Variants in AGBL1 observed in about 807,000 individuals in gnomAD.
AGBL1 encodes the protein AGBL carboxypeptidase 1.
In AGBL1, 130 loss-of-function variants were observed where a neutral mutation model predicts 118.9. That is an observed-to-expected ratio of 1.09 (90% CI 0.95 to 1.26). AGBL1 has a LOEUF of 1.26. AGBL1 is among the 50% of genes most tolerant of loss of function. The probability of loss-of-function intolerance (pLI) is 0.00; values close to 1 mark genes in which losing one functional copy is unlikely to be tolerated. For synonymous variants in AGBL1, 555 were observed against 478.9 expected (o/e 1.16, Z -2.08); for missense variants, 1,584 against 1,298.1 (o/e 1.22, Z -3.38).
chr15:86,745,004 A>G (rs1003772871), intron 22 of AGBL1, among the ~76,000 whole-genome samples: 36 of 152,070 alleles, frequency 2.4e-4, no homozygotes, highest in African/African-American at 8.2e-4. Flanking sequence ...GGCCAGGAAG[A>G]GTTTGGGACC....
intron 22 of AGBL1, among the ~76,000 whole-genome samples, chr15:86,802,023 C>G (rs1406848971): frequency 6.6e-6 from 1 of 152,030 alleles, no homozygotes; most frequent in East Asian, 1.9e-4. Context: ...CTAAACAGCT[C>G]CCTAGATGGT....
chr15:87,012,772 A>G (rs1359477189), intron 24 of AGBL1, among the ~76,000 whole-genome samples: 1 of 152,042 alleles, frequency 6.6e-6, no homozygotes, highest in Non-Finnish European at 1.5e-5. Context: ...CTAAATAAAA[A>G]GTGAAACCTG....
At chr15:86,441,732 T>G (rs2142055180) in intron 18 of AGBL1, among the ~76,000 whole-genome samples, 1 of 152,266 alleles carries the variant, frequency 6.6e-6, no homozygotes, top group South Asian at 2.1e-4. Flanking sequence ...AACCAAAGGG[T>G]CCATTACCAG....
At chr15:86,743,044 G>A (rs2077702306) in intron 22 of AGBL1, among the ~76,000 whole-genome samples, 1 of 152,060 alleles carries the variant, frequency 6.6e-6, no homozygotes, top group South Asian at 2.1e-4. Context: ...CTCAATAATT[G>A]TAAGCTGGAT....
At chr15:86,131,897 T>G (rs2076824561) in intron 1 of AGBL1, among the ~76,000 whole-genome samples, 1 of 151,096 alleles carries the variant, frequency 6.6e-6, no homozygotes, top group Non-Finnish European at 1.5e-5. Context: ...AGTTGAGGCT[T>G]CGGTGAGTTG....
chr15:86,583,087 G>A (rs1169153983), intron 21 of AGBL1, among the ~76,000 whole-genome samples: 2 of 151,634 alleles, frequency 1.3e-5, no homozygotes, highest in South Asian at 2.1e-4. Context: ...GTTGGGGAAT[G>A]TAAATATGAT....
intron 1 of AGBL1, among the ~76,000 whole-genome samples, chr15:86,092,867 G>C (rs1896124775): frequency 6.6e-6 from 1 of 151,958 alleles, no homozygotes; most frequent in South Asian, 2.1e-4. Flanking sequence ...CTCCAATAAT[G>C]GCATTAATTC....
Position 86,699,349 on chromosome 15 carries a change from A to G in AGBL1, c.3158+24913A>G, listed in dbSNP as rs76244764. On this transcript the variant is annotated intron_variant, in intron 22 of 22. Coordinates refer to ENST00000614907, the MANE Select transcript of AGBL1 (RefSeq NM_001386094.1). Reference sequence around the variant, plus strand: ...TCCTGCCTACCAGTGCAGTATAATTAAAACAATGGCAATTAATAATGTAAA... The same window carrying G: ...TCCTGCCTACCAGTGCAGTATAATTGAAACAATGGCAATTAATAATGTAAA... Among the ~76,000 whole-genome samples the G allele has an allele frequency of 3.9e-3, 597 of 152,222 alleles. 2 individuals are homozygous for G. The highest frequency in any genetic ancestry group is 6.3e-3 in the Non-Finnish European group (426 of 67,998).
At chr15:86,530,816 C>T (rs374937703) in intron 19 of AGBL1, among the ~76,000 whole-genome samples, 4,852 of 118,916 alleles carry the variant, frequency 0.041, 126 homozygotes, top group Middle Eastern at 0.073. Flanking sequence ...CACTCAAAGC[C>T]GCTCAACTAC....
At chr15:86,675,090 A>G (rs1461310799) in intron 22 of AGBL1, among the ~76,000 whole-genome samples, 1 of 152,312 alleles carries the variant, frequency 6.6e-6, no homozygotes, top group Non-Finnish European at 1.5e-5. Flanking sequence ...TCAGTGGGCA[A>G]GAGGGGAAGA....
At chr15:86,418,603 G>A (rs535485619) in intron 18 of AGBL1, among the ~76,000 whole-genome samples, 16 of 152,216 alleles carry the variant, frequency 1.1e-4, no homozygotes, top group Admixed American at 9.8e-4. Flanking sequence ...TTTCAAAAAT[G>A]GAGACATATT....
intron 3 of AGBL1, among the ~76,000 whole-genome samples, chr15:86,153,016 T>C (rs57987423): frequency 0.19 from 28,241 of 152,044 alleles, 3,643 homozygotes; most frequent in African/African-American, 0.36. Flanking sequence ...AAACAACAGA[T>C]GCTGGGGAGG....
intron 18 of AGBL1, among the ~76,000 whole-genome samples, chr15:86,402,544 T>C (rs983125567): frequency 6.6e-6 from 1 of 152,132 alleles, no homozygotes; most frequent in African/African-American, 2.4e-5. Flanking sequence ...GTGAAAGAAA[T>C]GTCCTGTGTG....
chr15:86,872,803 C>T (rs905340191), intron 22 of AGBL1, among the ~76,000 whole-genome samples: 2 of 151,952 alleles, frequency 1.3e-5, no homozygotes, highest in African/African-American at 4.8e-5. Context: ...GTTACAAATC[C>T]ATAATGATAT....
intron 18 of AGBL1, among the ~76,000 whole-genome samples, chr15:86,499,383 AG>A (rs2082892006): frequency 6.6e-6 from 1 of 151,858 alleles, no homozygotes; most frequent in African/African-American, 2.4e-5. Flanking sequence ...GGGTTTGAGA[AG>A]GGTTGGGGTC....
intron 19 of AGBL1, among the ~76,000 whole-genome samples, chr15:86,532,246 A>G (rs929421088): frequency 5.3e-5 from 8 of 151,764 alleles, no homozygotes; most frequent in African/African-American, 9.7e-5. Flanking sequence ...TAAGCTGATA[A>G]GCAACTTCAG....
At chr15:86,564,874 A>G (rs1336293596) in intron 21 of AGBL1, among the ~76,000 whole-genome samples, 4 of 151,908 alleles carry the variant, frequency 2.6e-5, no homozygotes, top group African/African-American at 9.7e-5. Context: ...CCTTCATTTC[A>G]TTCATTTGAT....
At chr15:86,399,481 G>C (rs1056399703) in intron 18 of AGBL1, among the ~76,000 whole-genome samples, 1 of 152,160 alleles carries the variant, frequency 6.6e-6, no homozygotes, top group Admixed American at 6.6e-5. Context: ...CCTGGATCTA[G>C]AGTCATATGA....
At chr15:86,250,557 AAAAAAAAAAAAAAAAAG>A in intron 7 of AGBL1, among the ~76,000 whole-genome samples, 1 of 123,726 alleles carries the variant, frequency 8.1e-6, no homozygotes, top group African/African-American at 3.4e-5. Flanking sequence ...AAAAAAAAAA[AAAAAAAAAAAAAAAAAG>A]GTGTGCTCTT....
Sources: gnomAD v4.1 joint callset for allele counts (sites outside exome capture counted in the v4.1 genomes callset) on GRCh38, gnomAD v4.1.1 for gene constraint, MANE v1.5 for transcripts, NCBI Gene and HGNC (gene_info 2026-07-23, HGNC 2026-07-21) for gene names.